Variants in CNTNAP2 observed in about 807,000 individuals in gnomAD.
CNTNAP2 encodes the protein contactin associated protein 2.
CNTNAP2 carries 98 observed loss-of-function variants against 155.2 expected under a neutral mutation model. The observed-to-expected ratio is 0.63, with a 90% CI of 0.54 to 0.75. The LOEUF (loss-of-function observed/expected upper bound fraction) is 0.75, where lower values mean the gene tolerates loss of function less well. Ranked by LOEUF, CNTNAP2 falls within the 30% of genes least tolerant of loss-of-function variation. The pLI is 0.00. For missense variants in CNTNAP2, 1,727 were observed against 1,688.1 expected (o/e 1.02, Z -0.40); for synonymous variants, 651 against 631.2 (o/e 1.03, Z -0.47).
chr7:147,002,855 C>G (rs1489250835), intron 3 of CNTNAP2, among the ~76,000 whole-genome samples: 1 of 150,390 alleles, frequency 6.6e-6, no homozygotes, highest in Admixed American at 6.7e-5. Flanking sequence ...AACTCCCCAC[C>G]TCCCAGTATC....
At chr7:147,232,980 T>C (rs1206979393) in intron 8 of CNTNAP2, among the ~76,000 whole-genome samples, 1 of 152,228 alleles carries the variant, frequency 6.6e-6, no homozygotes, top group African/African-American at 2.4e-5. Context: ...TCTGTATTTA[T>C]GAACAAATTG....
At chr7:146,157,996 A>C (rs1342011955) in intron 1 of CNTNAP2, among the ~76,000 whole-genome samples, 1 of 152,172 alleles carries the variant, frequency 6.6e-6, no homozygotes, top group Non-Finnish European at 1.5e-5. Context: ...GTAGGGGCCA[A>C]CTGACACCTC....
intron 3 of CNTNAP2, among the ~76,000 whole-genome samples, chr7:146,919,693 G>T (rs1385587023): frequency 6.6e-6 from 1 of 152,188 alleles, no homozygotes; most frequent in Non-Finnish European, 1.5e-5. Flanking sequence ...ACGTTCAAGA[G>T]CACATCAGCT....
rs184840962 is a variant in CNTNAP2, at chr7:146,192,072, G to A, written c.97+75099G>A. ...GTTCAGAGATTGCAGAAAGACAGGT[G>A]TAAGAAATTATAAAAGTATTAATTT... On this transcript the variant is annotated intron_variant, in intron 1 of 23. Transcript: ENST00000361727. 8.5e-5 allele frequency among the ~76,000 whole-genome samples: 13 copies of A among 152,274 alleles called. No individual in the cohort carries two copies. The East Asian group carries it at 2.5e-3, about 29-fold the overall frequency.
intron 3 of CNTNAP2, among the ~76,000 whole-genome samples, chr7:146,988,878 A>G (rs1358791819): frequency 6.6e-6 from 1 of 152,212 alleles, no homozygotes; most frequent in Non-Finnish European, 1.5e-5. Flanking sequence ...CAACATCTGC[A>G]TCTGTTGTGA....
chr7:147,185,846 G>A (rs185275492), intron 8 of CNTNAP2, among the ~76,000 whole-genome samples: 26 of 152,252 alleles, frequency 1.7e-4, no homozygotes, highest in African/African-American at 3.8e-4. Flanking sequence ...TGCTGTTCTC[G>A]TGACAGTGAG....
At chr7:147,330,248 G>A (rs1308395259) in intron 9 of CNTNAP2, among the ~76,000 whole-genome samples, 1 of 152,088 alleles carries the variant, frequency 6.6e-6, no homozygotes, top group Middle Eastern at 3.2e-3. Context: ...AACACACAGA[G>A]GTGCTAGGTT....
chr7:146,648,465 AT>A (rs1799852404), intron 1 of CNTNAP2, among the ~76,000 whole-genome samples: 1 of 152,142 alleles, frequency 6.6e-6, no homozygotes, highest in Non-Finnish European at 1.5e-5. Context: ...TACAAACCAG[AT>A]TTTTATGCTG....
intron 1 of CNTNAP2, among the ~76,000 whole-genome samples, chr7:146,584,024 A>G (rs1386245066): frequency 6.6e-6 from 1 of 152,206 alleles, no homozygotes; most frequent in Non-Finnish European, 1.5e-5. Context: ...TAGATTTATA[A>G]GGCATCATTA....
Position 146,116,999 on chromosome 7 carries a change from T to C in CNTNAP2, c.97+26T>C. ...GTAAGTAGCCGTCTCCTCGCTCTGC[T>C]CTGGAGCAGTTTCAGTGCGGCATTG... On this transcript the variant is annotated intron_variant, in intron 1 of 23. Coordinates refer to ENST00000361727, the MANE Select transcript of CNTNAP2 (RefSeq NM_014141.6). The surrounding 1 kb of genome is among the most constrained non-coding windows in gnomAD (Gnocchi z 5.5). 1 of 1,540,298 alleles carries C rather than the reference T, an allele frequency of 6.5e-7. No homozygotes were observed. Among genetic ancestry groups the C allele is most frequent in the South Asian group, 1.2e-5 (1 of 83,850 alleles).
intron 3 of CNTNAP2, among the ~76,000 whole-genome samples, chr7:147,033,823 G>T (rs1179555220): frequency 1.3e-5 from 2 of 150,678 alleles, no homozygotes; most frequent in African/African-American, 4.9e-5. Flanking sequence ...AACACAGGAT[G>T]CTCTTGATAC....
At chr7:147,996,563 T>C (rs548041790) in intron 15 of CNTNAP2, among the ~76,000 whole-genome samples, 1 of 152,290 alleles carries the variant, frequency 6.6e-6, no homozygotes, top group Admixed American at 6.5e-5. Context: ...GAAATAATTG[T>C]GCTAGTACAA....
intron 17 of CNTNAP2, among the ~76,000 whole-genome samples, chr7:148,169,071 A>G (rs766649790): frequency 6.6e-6 from 1 of 152,244 alleles, no homozygotes; most frequent in Non-Finnish European, 1.5e-5. Context: ...CAGCTGCAAT[A>G]AAGAGTTATT....
At chr7:146,941,879 C>T (rs1797065036) in intron 3 of CNTNAP2, among the ~76,000 whole-genome samples, 1 of 151,800 alleles carries the variant, frequency 6.6e-6, no homozygotes, top group Admixed American at 6.6e-5. Flanking sequence ...TTGGAACTTC[C>T]TTATATGTTA....
chr7:146,835,059 G>T (rs1281080604), intron 2 of CNTNAP2, among the ~76,000 whole-genome samples: 1 of 152,024 alleles, frequency 6.6e-6, no homozygotes, highest in Non-Finnish European at 1.5e-5. Context: ...ATATATTTCT[G>T]CTAAGAAATA....
At chr7:148,278,053 G>C (rs1157449122) in intron 21 of CNTNAP2, among the ~76,000 whole-genome samples, 1 of 152,182 alleles carries the variant, frequency 6.6e-6, no homozygotes, top group Non-Finnish European at 1.5e-5. Context: ...CTTTGGTCTT[G>C]TCACATCCAC....
chr7:147,429,513 G>T (rs567615717), intron 10 of CNTNAP2, among the ~76,000 whole-genome samples: 1 of 152,138 alleles, frequency 6.6e-6, no homozygotes, highest in East Asian at 1.9e-4. Context: ...CACTCTGTGG[G>T]TTGTCTATTT....
At chr7:147,595,276 T>C (rs1431122280) in intron 12 of CNTNAP2, among the ~76,000 whole-genome samples, 1 of 152,200 alleles carries the variant, frequency 6.6e-6, no homozygotes, top group Admixed American at 6.5e-5. Context: ...TTGTGACTCA[T>C]GTCTAGATTT....
intron 15 of CNTNAP2, among the ~76,000 whole-genome samples, chr7:148,081,181 T>A (rs1803596561): frequency 6.6e-6 from 1 of 152,224 alleles, no homozygotes; most frequent in Non-Finnish European, 1.5e-5. Flanking sequence ...TAGGCCACTG[T>A]GTACTGGAAA....
Sources: allele counts gnomAD v4.1 joint callset (sites outside exome capture counted in the v4.1 genomes callset), GRCh38; gene constraint gnomAD v4.1.1; non-coding constraint Gnocchi (gnomAD v3.1); transcripts MANE v1.5; gene names NCBI Gene and HGNC (gene_info 2026-07-23, HGNC 2026-07-21).